Variants in LMF1 observed in about 807,000 individuals in gnomAD.
The protein encoded by LMF1 is lipase maturation factor 1, also known as transmembrane protein 112.
In LMF1, 68 loss-of-function variants were observed where a neutral mutation model predicts 60.6. The observed-to-expected ratio is 1.12, with a 90% CI of 0.92 to 1.37. The LOEUF is 1.37. Ranked by LOEUF, LMF1 falls within the 40% of genes most tolerant of loss-of-function variation. The pLI is 0.00. For missense variants in LMF1, 948 were observed against 767.2 expected, an observed-to-expected ratio of 1.24 and a Z score of -2.78; for synonymous variants, 418 against 324.7, an observed-to-expected ratio of 1.29 and a Z score of -3.09.
At chr16:935,197 T>G (rs1029889459) in intron 2 of LMF1, among the ~76,000 whole-genome samples, 1 of 151,986 alleles carries the variant, frequency 6.6e-6, no homozygotes, top group African/African-American at 2.4e-5. Context: ...GCTCCTGGGC[T>G]GAAGCAGTCC....
rs2070706605 is a variant in LMF1 at position 897,845 on chromosome 16, T to C, written c.664-4773A>G. 1.3e-5 allele frequency among the ~76,000 whole-genome samples: 2 copies of C among 152,212 alleles called. No individual in the cohort carries two copies. On this transcript the variant is annotated intron_variant, in intron 4 of 10. Coordinates refer to ENST00000262301, the MANE Select transcript of LMF1 (RefSeq NM_022773.4). The surrounding 1 kb of genome is among the most constrained non-coding windows in gnomAD (Gnocchi z 4.3). ...GGCTTTCCTGTCTTCCTGGGATGGT[T>C]TCCGCACTTTCTTGCCCTCATGCAA... is the stretch of plus-strand genomic sequence containing the variant.
At chr16:959,615 G>C (rs1214494723) in intron 1 of LMF1, among the ~76,000 whole-genome samples, 2 of 152,240 alleles carry the variant, frequency 1.3e-5, no homozygotes, top group African/African-American at 4.8e-5. Flanking sequence ...ACACTGGCCA[G>C]AGGGCAGGAG....
chr16:938,054 A>T (rs891637279), intron 2 of LMF1, among the ~76,000 whole-genome samples: 1 of 45,032 alleles, frequency 2.2e-5, no homozygotes, highest in Non-Finnish European at 3.8e-5. Context: ...AAATACCACA[A>T]AAAAAGAGGG....
At chr16:882,481 G>A (rs1006623243) in intron 5 of LMF1, among the ~76,000 whole-genome samples, 37 of 152,358 alleles carry the variant, frequency 2.4e-4, no homozygotes, top group Admixed American at 8.5e-4. Context: ...CAAGGCCACC[G>A]GGAGATGCAC....
At chr16:882,327 G>A (rs2070184122) in intron 5 of LMF1, among the ~76,000 whole-genome samples, 1 of 152,228 alleles carries the variant, frequency 6.6e-6, no homozygotes, top group Admixed American at 6.5e-5. Flanking sequence ...CCGACCTTGG[G>A]ACTCAGCTTT....
intron 4 of LMF1, among the ~76,000 whole-genome samples, chr16:895,171 G>A (rs559734990): frequency 3.9e-5 from 6 of 152,266 alleles, no homozygotes; most frequent in South Asian, 4.1e-4. Context: ...GAGGCCTGCC[G>A]GGGCCATCAG....
intron 10 of LMF1, among the ~76,000 whole-genome samples, chr16:861,787 G>T (rs557016927): frequency 1.1e-4 from 17 of 152,104 alleles, no homozygotes; most frequent in African/African-American, 4.1e-4. Flanking sequence ...CTTGTCCTGC[G>T]TACTGCAGTG....
intron 4 of LMF1, chr16:899,804 G>C: frequency 6.6e-6 from 1 of 152,264 alleles, no homozygotes; most frequent in East Asian, 1.9e-4. Context: ...GAAAAGAGCA[G>C]ATGACGAAGG....
chr16:860,601 A>G (rs11866546), intron 10 of LMF1, among the ~76,000 whole-genome samples: 18,042 of 152,112 alleles, frequency 0.12, 3,217 homozygotes, highest in African/African-American at 0.39. Context: ...TTGGCCTCCC[A>G]AAGTGCTGGG....
intron 10 of LMF1, among the ~76,000 whole-genome samples, chr16:863,869 G>A (rs2069538148): frequency 6.6e-6 from 1 of 152,160 alleles, no homozygotes; most frequent in South Asian, 2.1e-4. Context: ...GTATGCATTT[G>A]GTGCTTTCTC....
In LMF1 at chr16:950,956, C is replaced by T. The variant is rs1462574866; in HGVS notation, c.503+3401G>A. Among the ~76,000 whole-genome samples the T allele has an allele frequency of 1.1e-4, 16 of 149,534 alleles. 1 individual carries two copies. Among genetic ancestry groups the T allele is most frequent in the Non-Finnish European group, 1.9e-4 (13 of 67,728 alleles). Reference sequence around the variant, plus strand: ...AGTCAGCCAATGACAGAGTCAGAGCCAACGACAGAATCAGCCAACAACAGT... The same window carrying T: ...AGTCAGCCAATGACAGAGTCAGAGCTAACGACAGAATCAGCCAACAACAGT... On this transcript the variant is annotated intron_variant, in intron 2 of 10. Transcript: ENST00000262301.
chr16:872,790 G>C (rs1041829364), intron 6 of LMF1: 1 of 152,352 alleles, frequency 6.6e-6, no homozygotes, highest in Non-Finnish European at 1.5e-5. Flanking sequence ...CTGGCCCTTC[G>C]CTGTGGTCAG....
intron 4 of LMF1, among the ~76,000 whole-genome samples, chr16:907,048 T>C (rs1320672369): frequency 6.6e-6 from 1 of 152,248 alleles, no homozygotes; most frequent in African/African-American, 2.4e-5. Context: ...TGGTTCTGAA[T>C]GTTATTATAA....
At chr16:890,900 G>A (rs2151728931) in intron 5 of LMF1, among the ~76,000 whole-genome samples, 1 of 152,334 alleles carries the variant, frequency 6.6e-6, no homozygotes, top group East Asian at 1.9e-4. Flanking sequence ...GACATCCAGG[G>A]CCATCCCTCT....
chr16:870,135 G>C lies in LMF1; in HGVS notation c.1233-69C>G, dbSNP rs977403468. 9.2e-6 allele frequency: 14 copies of C among 1,519,284 alleles called. No homozygotes were observed. The East Asian group carries it at 2.8e-4, about 31-fold the overall frequency. The allele number at this position is 1,519,284 out of a possible 1,614,324, so 94.1% of individuals were successfully genotyped here. The stretch of plus-strand genomic sequence containing the variant: ...CTGGGCCGAGTGGGGTGCATGGGTG[G>C]GGGGGGTTCCCCGACTGTCCATCCT... On this transcript the variant is annotated intron_variant, in intron 8 of 10. Coordinates refer to ENST00000262301, the MANE Select transcript of LMF1 (RefSeq NM_022773.4).
chr16:981,118 G>T (rs1042751550), intron 1 of LMF1: 8 of 416,808 alleles, frequency 1.9e-5, no homozygotes, highest in African/African-American at 1.3e-4. Flanking sequence ...CCCCAGCTCC[G>T]AGCCGCGGCC....
rs752909298 is a variant in LMF1 at position 854,517 on chromosome 16, A to T, written c.*15T>A. On this transcript the variant is annotated 3_prime_UTR_variant, in exon 11 of 11. Coordinates refer to ENST00000262301, the MANE Select transcript of LMF1 (RefSeq NM_022773.4). ...GCCGAGGGGCTGGGTCTTCGCCTTT[A>T]TTTCTGGTGCACGTCTAGAGGGGCC... The T allele has an allele frequency of 1.9e-6, 3 of 1,602,658 alleles. No individual in the cohort carries two copies. Among genetic ancestry groups the T allele is most frequent in the Admixed American group, 1.7e-5 (1 of 59,072 alleles).
intron 4 of LMF1, 44 bp downstream of exon 4, chr16:910,887 G>T (rs1014640044): frequency 1.9e-6 from 3 of 1,608,326 alleles, no homozygotes; most frequent in Non-Finnish European, 2.5e-6. Flanking sequence ...GGTTAGAAGA[G>T]CCACCGTTAT....
chr16:889,863 C>G (rs990638298), intron 5 of LMF1, among the ~76,000 whole-genome samples: 1 of 152,160 alleles, frequency 6.6e-6, no homozygotes, highest in Admixed American at 6.5e-5. Context: ...GGAGCATCCT[C>G]GTCCGAGACA....
Sources: gnomAD v4.1 joint callset for allele counts (sites outside exome capture counted in the v4.1 genomes callset) on GRCh38, gnomAD v4.1.1 for gene constraint, Gnocchi (gnomAD v3.1) non-coding constraint, MANE v1.5 for transcripts, NCBI Gene and HGNC (gene_info 2026-07-23, HGNC 2026-07-21) for gene names.